ZFYVE16: variants seen among roughly 807,000 people sequenced by gnomAD.
ZFYVE16 encodes zinc finger FYVE-type containing 16.
A neutral mutation model predicts 138.1 loss-of-function variants in ZFYVE16; 89 were observed. The ratio of observed to expected loss-of-function variants is 0.64; its 90% CI spans 0.54 to 0.77. ZFYVE16 has a LOEUF of 0.77. ZFYVE16 is among the 30% of genes least tolerant of loss of function. The pLI, the probability that ZFYVE16 is intolerant of heterozygous loss-of-function variation, is 0.00. For synonymous variants in ZFYVE16, 596 were observed against 618.3 expected, an observed-to-expected ratio of 0.96 and a Z score of 0.53; for missense variants, 1,793 against 1,786.7, an observed-to-expected ratio of 1.00 and a Z score of -0.06.
At chr5:80,451,968 C>G (rs560849858) in intron 11 of ZFYVE16, 4 of 390,456 alleles carry the variant, frequency 1.0e-5, no homozygotes, top group Non-Finnish European at 1.8e-5. Context: ...AAACAGAAAA[C>G]TTTCACAGTG....
At chr5:80,436,394 A>G (rs1749914030) in intron 3 of ZFYVE16, among the ~76,000 whole-genome samples, 2 of 152,242 alleles carry the variant, frequency 1.3e-5, no homozygotes, top group South Asian at 4.1e-4. Context: ...GCATGAGATC[A>G]AGATCTAAGG....
rs1479087597 is a variant in ZFYVE16 at position 80,479,372 on chromosome 5, G to A, written c.*1995G>A. The A allele has an allele frequency of 6.6e-6, 1 of 152,164 alleles. No homozygotes were observed. The highest frequency in any genetic ancestry group is 1.5e-5 in the Non-Finnish European group (1 of 68,008). 9.4% of individuals were successfully genotyped at this position (152,164 alleles called of 1,614,324 possible). On this transcript the variant is annotated 3_prime_UTR_variant, in exon 19 of 19. Coordinates refer to ENST00000505560, the MANE Select transcript of ZFYVE16 (RefSeq NM_001284236.3). ...TTTATGCAGCTATTCAACAAACTTTGTGTGTTCGTATACTTGCTACATGCA... is the reference window on the plus strand; with the variant it reads ...TTTATGCAGCTATTCAACAAACTTTATGTGTTCGTATACTTGCTACATGCA...
intron 2 of ZFYVE16, among the ~76,000 whole-genome samples, chr5:80,429,113 A>C (rs920284182): frequency 6.6e-6 from 1 of 152,188 alleles, no homozygotes; most frequent in Non-Finnish European, 1.5e-5. Context: ...AATGCCACAA[A>C]GATACTCCTC....
chr5:80,415,453 C>T (rs1308243370), intron 1 of ZFYVE16, among the ~76,000 whole-genome samples: 1 of 152,162 alleles, frequency 6.6e-6, no homozygotes, highest in Non-Finnish European at 1.5e-5. Context: ...AGTCCTGTCT[C>T]CTTAGGCACC....
intron 2 of ZFYVE16, among the ~76,000 whole-genome samples, chr5:80,432,465 C>T (rs1749200650): frequency 6.6e-6 from 1 of 152,102 alleles, no homozygotes; most frequent in Non-Finnish European, 1.5e-5. Flanking sequence ...AAATGTTAGA[C>T]CTAAAACTAT....
At position 80,473,788 on chromosome 5, in the gene ZFYVE16, G is replaced by C. The variant is rs1292451041; in HGVS notation, c.4222G>C (p.Gly1408Arg). 1 of 1,612,562 alleles carries C rather than the reference G, an allele frequency of 6.2e-7. No individual in the cohort carries two copies. The change falls in exon 17 of 19, where the codon GGA (glycine) becomes CGA (arginine). Residue 1408 changes from glycine (G) to arginine (R), a missense_variant. By Grantham distance (125) the Gly-to-Arg change is moderately radical. Around this residue, in one of 2 missense-constraint regions of ZFYVE16, gnomAD observed 498 missense variants for 582.4 expected, o/e 0.86. Transcript: ENST00000505560. ...TTCAGTGGATGGAATATCATTACAA[G>C]GATTTCCAAGTGAAAAAATAAAACT... ...ISSVDGISLQ[G>R]FPSEKIKLEA...
At position 80,477,718 on chromosome 5, in the gene ZFYVE16, T is replaced by G. The variant is rs1755048912; in HGVS notation, c.*341T>G. On this transcript the variant is annotated 3_prime_UTR_variant, in exon 19 of 19. Transcript: ENST00000505560. Reference sequence around the variant, plus strand: ...CTCTTTATGCCAATAATGATTTTAATGAAGGCTCTTTTCAGATGTAACCTT... The same window carrying G: ...CTCTTTATGCCAATAATGATTTTAAGGAAGGCTCTTTTCAGATGTAACCTT... The G allele has an allele frequency of 6.1e-6, 1 of 164,360 alleles. No homozygotes were observed. The highest frequency in any genetic ancestry group is 1.8e-4 in the East Asian group (1 of 5,700). 10.2% of individuals were successfully genotyped at this position (164,360 alleles called of 1,614,324 possible). A position where few individuals can be genotyped will look rare whatever the true frequency, so the allele number is the denominator to read the frequency against.
chr5:80,447,964 A>C, intron 7 of ZFYVE16, 62 bp from the exon 8 acceptor site: 1 of 1,388,630 alleles, frequency 7.2e-7, no homozygotes, highest in Non-Finnish European at 9.6e-7. Flanking sequence ...TAGTGATCTC[A>C]TTTCATAGTT....
At chr5:80,465,837 G>A (rs1214512051) in intron 15 of ZFYVE16, among the ~76,000 whole-genome samples, 2 of 151,902 alleles carry the variant, frequency 1.3e-5, no homozygotes, top group African/African-American at 4.8e-5. Context: ...TGTGTTTAGG[G>A]GTGGATCCCT....
At chr5:80,440,712 T>G in intron 5 of ZFYVE16, 3 of 939,218 alleles carry the variant, frequency 3.2e-6, no homozygotes, top group Non-Finnish European at 3.8e-6. Context: ...GTGGTGTTTT[T>G]TTCCCCAAGT....
chr5:80,472,976 T>G, intron 16 of ZFYVE16, 53 bp downstream of exon 16: 1 of 1,402,934 alleles, frequency 7.1e-7, no homozygotes, highest in Non-Finnish European at 9.6e-7. Flanking sequence ...AGTGCAGGAT[T>G]AAAATATCCT....
chr5:80,422,564 C>T (rs904021737), intron 1 of ZFYVE16, among the ~76,000 whole-genome samples: 1 of 152,106 alleles, frequency 6.6e-6, no homozygotes, highest in Admixed American at 6.6e-5. Flanking sequence ...AAGTGATTCT[C>T]CTGCCTCAGC....
chr5:80,433,085 G>A (rs1749326369), intron 2 of ZFYVE16, among the ~76,000 whole-genome samples: 1 of 152,140 alleles, frequency 6.6e-6, no homozygotes, highest in South Asian at 2.1e-4. Flanking sequence ...TCCCATTACT[G>A]GGTATATACC....
intron 5 of ZFYVE16, among the ~76,000 whole-genome samples, chr5:80,442,621 G>A (rs1750836912): frequency 6.6e-6 from 1 of 152,204 alleles, no homozygotes; most frequent in East Asian, 1.9e-4. Context: ...GAATGAGTGG[G>A]ATTGTAGTGA....
chr5:80,429,673 C>T (rs1355517866), intron 2 of ZFYVE16, among the ~76,000 whole-genome samples: 3 of 152,142 alleles, frequency 2.0e-5, no homozygotes, highest in Non-Finnish European at 4.4e-5. Context: ...GATAAAGAGT[C>T]GAGACCCATC....
At chr5:80,444,346 T>C (rs1183285007) in intron 6 of ZFYVE16, among the ~76,000 whole-genome samples, 5 of 152,082 alleles carry the variant, frequency 3.3e-5, no homozygotes, top group African/African-American at 7.2e-5. Context: ...AAGAAAGATA[T>C]CTTATTTAAT....
At chr5:80,427,886 C>T (rs141223963) in intron 2 of ZFYVE16, among the ~76,000 whole-genome samples, 4,336 of 136,704 alleles carry the variant, frequency 0.032, 76 homozygotes, top group South Asian at 0.052. Context: ...GCAGGAGAAT[C>T]GCTTGAACCT....
chr5:80,464,155 C>G (rs1042406788), intron 15 of ZFYVE16, among the ~76,000 whole-genome samples: 1 of 152,154 alleles, frequency 6.6e-6, no homozygotes, highest in Non-Finnish European at 1.5e-5. Context: ...CAACACCCCA[C>G]TCTCTGGGGT....
At position 80,437,595 on chromosome 5, in the gene ZFYVE16, T is replaced by C; in HGVS notation, c.910T>C (p.Cys304Arg). Residue 304 changes from cysteine to arginine, a missense_variant, in exon 4 of 19, where the codon TGC (cysteine) becomes CGC (arginine). Around this residue, in one of 2 missense-constraint regions of ZFYVE16, gnomAD observed 1,295 missense variants for 1,204.3 expected, o/e 1.08. Coordinates refer to ENST00000505560, the MANE Select transcript of ZFYVE16 (RefSeq NM_001284236.3). ...KEEGKTSALT[C>R]SLPKNEDLCL... ...AGAGGGCAAGACAAGTGCTTTGACC[T>C]GCAGCCTTCCGAAAAATGAAGATTT... 6.2e-7 allele frequency: 1 copy of C among 1,613,368 alleles called. No individual in the cohort carries two copies. The highest frequency in any genetic ancestry group is 8.5e-7 in the Non-Finnish European group (1 of 1,179,750).
Sources: gnomAD v4.1 joint callset for allele counts (sites outside exome capture counted in the v4.1 genomes callset) on GRCh38, gnomAD v4.1.1 for gene constraint, gnomAD v4.1.1 regional missense constraint, MANE v1.5 for transcripts, NCBI Gene and HGNC (gene_info 2026-07-23, HGNC 2026-07-21) for gene names.